The following USP24 variants were observed in gnomAD, a reference collection of about 807,000 sequenced individuals.
The protein encoded by USP24 is ubiquitin carboxyl-terminal hydrolase 24.
USP24 carries 97 observed loss-of-function variants against 361.6 expected under a neutral mutation model. The observed-to-expected ratio is 0.27, with a 90% CI of 0.23 to 0.32. The LOEUF (loss-of-function observed/expected upper bound fraction) is 0.32, where lower values mean the gene tolerates loss of function less well. USP24 is among the 10% of genes least tolerant of loss of function. USP24 has a pLI of 1.00. For synonymous variants in USP24, 1,098 were observed against 1,124.6 expected, an observed-to-expected ratio of 0.98 and a Z score of 0.47; for missense variants, 2,353 against 3,165.6, an observed-to-expected ratio of 0.74 and a Z score of 6.16.
Position 55,095,508 on chromosome 1 carries a change from T to G in USP24, c.6062-112A>C. ...CAAGTAGTTAACTACTCCCTAAGTT[T>G]GTAAAATGCAAAGTATAAGTAAAAT... On this transcript the variant is annotated intron_variant, in intron 50 of 67. Coordinates refer to ENST00000294383, the MANE Select transcript of USP24 (RefSeq NM_015306.3). 2.5e-6 allele frequency: 3 copies of G among 1,186,980 alleles called. No homozygotes were observed. In the South Asian group the frequency reaches 4.9e-5, roughly 19 times the overall value. The allele number at this position is 1,186,980 out of a possible 1,614,324, so 73.5% of individuals were successfully genotyped here. A position where few individuals can be genotyped will look rare whatever the true frequency, so the allele number is the denominator to read the frequency against.
chr1:55,072,224 A>AC, intron 66 of USP24, 93 bp downstream of exon 66: 1 of 1,000,244 alleles, frequency 1.0e-6, no homozygotes, highest in South Asian at 1.5e-5. Flanking sequence ...TTCAACTCAT[A>AC]CCTCTCTTCT....
chr1:55,135,594 CAAATATTCTA>C (rs1459334129), intron 28 of USP24, among the ~76,000 whole-genome samples: 1 of 152,148 alleles, frequency 6.6e-6, no homozygotes, highest in African/African-American at 2.4e-5. Context: ...TATGTATATG[CAAATATTCTA>C]AAATCCTAAA....
intron 7 of USP24, among the ~76,000 whole-genome samples, chr1:55,165,262 A>G (rs1217480944): frequency 6.6e-6 from 1 of 152,128 alleles, no homozygotes; most frequent in Non-Finnish European, 1.5e-5. Flanking sequence ...CCAAGTACGT[A>G]ATAGTTTTTA....
rs201407157 is a variant in USP24 at position 55,120,765 on chromosome 1, A to G, written c.4348-9T>C. On this transcript the variant is annotated splice_polypyrimidine_tract_variant and intron_variant, in intron 37 of 67. Coordinates refer to ENST00000294383, the MANE Select transcript of USP24 (RefSeq NM_015306.3). ...CAGGCAACCCGGCGAATCTGAAATT[A>G]CATGATCAGCAGCAAAGGACAGACA... is the stretch of plus-strand genomic sequence containing the variant. 2.7e-5 allele frequency: 42 copies of G among 1,557,184 alleles called. No homozygotes were observed. Among genetic ancestry groups the G allele is most frequent in the Non-Finnish European group, 3.7e-5 (42 of 1,150,428 alleles).
At chr1:55,174,945 A>T (rs946162639) in intron 3 of USP24, among the ~76,000 whole-genome samples, 7 of 152,180 alleles carry the variant, frequency 4.6e-5, no homozygotes, top group African/African-American at 1.7e-4. Flanking sequence ...TGGATTTTTT[A>T]AAAGCTGCTG....
intron 11 of USP24, 36 bp downstream of exon 11, chr1:55,157,220 T>C (rs1032828545): frequency 2.1e-6 from 3 of 1,447,620 alleles, no homozygotes; most frequent in African/African-American, 2.9e-5. Context: ...ATTTAAATTA[T>C]GTGTTAGGTA....
intron 7 of USP24, among the ~76,000 whole-genome samples, chr1:55,164,925 T>C (rs1321750963): frequency 6.6e-6 from 1 of 152,016 alleles, no homozygotes; most frequent in Admixed American, 6.6e-5. Context: ...TGAATGGGGA[T>C]CACAAGGACA....
chr1:55,115,934 GCATGTTCT>G (rs1247371882), intron 38 of USP24, among the ~76,000 whole-genome samples: 1 of 152,152 alleles, frequency 6.6e-6, no homozygotes. Flanking sequence ...ACCAAGCACT[GCATGTTCT>G]CACTCATAAG....
At position 55,088,973 on chromosome 1, in the gene USP24, C is replaced by T. The variant is rs927130265; in HGVS notation, c.6668+654G>A. 4.6e-5 allele frequency among the ~76,000 whole-genome samples: 7 copies of T among 151,222 alleles called. No homozygotes were observed. The Middle Eastern group carries it at 0.01, about 222-fold the overall frequency. On this transcript the variant is annotated intron_variant, in intron 55 of 67. Transcript: ENST00000294383. The stretch of plus-strand genomic sequence containing the variant: ...CTGTTGCCAGGCTGGAGTGCAGTGA[C>T]GCGATCTCAGCTCACTGCAACCTCT...
chr1:55,141,022 T>C (rs1475644387), intron 24 of USP24, among the ~76,000 whole-genome samples: 1 of 152,176 alleles, frequency 6.6e-6, no homozygotes, highest in Non-Finnish European at 1.5e-5. Flanking sequence ...AGTTTAAAGT[T>C]TTCACACAAA....
At chr1:55,165,750 C>G (rs1159459846) in intron 7 of USP24, 135 bp downstream of exon 7, 1 of 599,114 alleles carries the variant, frequency 1.7e-6, no homozygotes. Context: ...TTATCAGGAC[C>G]GTGGAATCTG....
rs374398936 is a variant in USP24, at chr1:55,137,810, C to T, written c.3023G>A (p.Ser1008Asn). Residue 1008 changes from serine to asparagine, a missense_variant, in exon 27 of 68, where the codon AGC becomes AAC. Physicochemically the swap from Ser to Asn is conservative, Grantham distance 46. Coordinates refer to ENST00000294383, the MANE Select transcript of USP24 (RefSeq NM_015306.3). ...VDNIQIFTND[S>N]LLTVNKDQKL... ...AAACTGCTTATTTAAACCTACCAGG[C>T]TATCATTTGTAAATATCTGTATATT... 1 of 1,580,678 alleles carries T rather than the reference C, an allele frequency of 6.3e-7. No individual in the cohort carries two copies. The highest frequency in any genetic ancestry group is 1.4e-5 in the African/African-American group (1 of 73,856).
At chr1:55,079,757 ACACACACTGAGTACTCTCACAGAGTACT>A (rs1345956191) in intron 59 of USP24, 98 bp from the exon 60 acceptor site, 22 of 1,174,256 alleles carry the variant, frequency 1.9e-5, no homozygotes, top group East Asian at 1.3e-4. Context: ...CAAGACTCGC[ACACACACTGAGTACTCTCACAGAGTACT>A]CACACACTGA....
chr1:55,095,161 G>A, intron 51 of USP24, 94 bp downstream of exon 51: 1 of 1,336,406 alleles, frequency 7.5e-7, no homozygotes, highest in Non-Finnish European at 9.8e-7. Flanking sequence ...CTCCAGCTTA[G>A]CTAATTATCT....
intron 10 of USP24, among the ~76,000 whole-genome samples, chr1:55,158,444 TAACA>T (rs1647921462): frequency 6.6e-6 from 1 of 152,220 alleles, no homozygotes; most frequent in African/African-American, 2.4e-5. Context: ...GTGGATATGA[TAACA>T]AATTCAGAAA....
At chr1:55,176,861 C>T (rs138126913) in intron 2 of USP24, among the ~76,000 whole-genome samples, 39 of 151,990 alleles carry the variant, frequency 2.6e-4, no homozygotes, top group African/African-American at 8.2e-4. Flanking sequence ...TTTGGGAGGC[C>T]GAGGCAAGAG....
intron 1 of USP24, among the ~76,000 whole-genome samples, chr1:55,179,677 C>G (rs2100831316): frequency 6.6e-6 from 1 of 152,260 alleles, no homozygotes; most frequent in South Asian, 2.1e-4. Flanking sequence ...TCCCCATTCC[C>G]AGGACCTGGT....
intron 38 of USP24, among the ~76,000 whole-genome samples, chr1:55,113,749 T>C (rs1646023153): frequency 6.6e-6 from 1 of 152,084 alleles, no homozygotes; most frequent in African/African-American, 2.4e-5. Flanking sequence ...TAGGTATTGA[T>C]GGAACGTATC....
chr1:55,180,521 G>A (rs1050429486), intron 1 of USP24, among the ~76,000 whole-genome samples: 1 of 152,152 alleles, frequency 6.6e-6, no homozygotes, highest in Non-Finnish European at 1.5e-5. Context: ...TCTTCCAGCT[G>A]AGGTTCTCAG....
Sources: gnomAD v4.1 joint callset for allele counts (sites outside exome capture counted in the v4.1 genomes callset) on GRCh38, gnomAD v4.1.1 for gene constraint, MANE v1.5 for transcripts, NCBI Gene and HGNC (gene_info 2026-07-23, HGNC 2026-07-21) for gene names.